Variants in PIK3R1 observed in about 807,000 individuals in gnomAD.
The protein encoded by PIK3R1 is phosphoinositide-3-kinase regulatory subunit 1, also known as phosphatidylinositol 3-kinase regulatory subunit alpha.
Under a neutral mutation model 98.0 loss-of-function variants are expected in PIK3R1, and 29 were observed. The ratio of observed to expected loss-of-function variants is 0.30; its 90% CI spans 0.22 to 0.40. The LOEUF is 0.40. PIK3R1 is among the 10% of genes least tolerant of loss of function. PIK3R1 has a pLI of 1.00. For missense variants in PIK3R1, 596 were observed against 872.7 expected (o/e 0.68, Z 3.99); for synonymous variants, 282 against 311.8 (o/e 0.90, Z 1.01).
At chr5:68,220,291 C>CT (rs1258764492) in intron 1 of PIK3R1, among the ~76,000 whole-genome samples, 1 of 152,128 alleles carries the variant, frequency 6.6e-6, no homozygotes, top group African/African-American at 2.4e-5. Context: ...AGAATAGCAT[C>CT]TTTTTTTCAA....
Position 68,297,753 on chromosome 5 carries a change from AAGT to A in PIK3R1, c.*155_*157del, listed in dbSNP as rs1208747846. 3 of 636,294 alleles carry A rather than the reference AAGT, an allele frequency of 4.7e-6. No individual in the cohort carries two copies. Among genetic ancestry groups the A allele is most frequent in the Non-Finnish European group, 8.2e-6 (3 of 367,106 alleles). The allele number at this position is 636,294 out of a possible 1,614,324, so 39.4% of individuals were successfully genotyped here. The stretch of plus-strand genomic sequence containing the variant: ...ACTAGAGCTTTCTTTCACAAAAAAG[AAGT>A]AGGGGAAGACATGCAGCCTAAGGCT... On this transcript the variant is annotated 3_prime_UTR_variant, in exon 16 of 16. Coordinates refer to ENST00000521381, the MANE Select transcript of PIK3R1 (RefSeq NM_181523.3).
Position 68,279,526 on chromosome 5 carries a change from A to G in PIK3R1, c.503-76A>G, listed in dbSNP as rs1038663747. 8 of 1,209,866 alleles carry G rather than the reference A, an allele frequency of 6.6e-6. No homozygotes were observed. The Admixed American group carries it at 1.1e-4, about 17-fold the overall frequency. The allele number at this position is 1,209,866 out of a possible 1,614,324, so 74.9% of individuals were successfully genotyped here. A position where few individuals can be genotyped will look rare whatever the true frequency, so the allele number is the denominator to read the frequency against. ...TTTTTTTTTTGTCACATGTGAGTCA[A>G]ATTGTTCAGAAAATTAGCCCAACTG... On this transcript the variant is annotated intron_variant, in intron 4 of 15. Transcript: ENST00000521381.
chr5:68,254,822 C>G (rs527783439), intron 2 of PIK3R1, among the ~76,000 whole-genome samples: 1 of 116,702 alleles, frequency 8.6e-6, no homozygotes, highest in African/African-American at 3.6e-5. Context: ...TCAGTACAGT[C>G]TTTTTCTTTT....
rs920825521 is a variant in PIK3R1, at chr5:68,229,615, G to A, written c.334+2606G>A. Among the ~76,000 whole-genome samples the A allele has an allele frequency of 3.3e-5, 5 of 152,138 alleles. No individual in the cohort carries two copies. The South Asian group carries it at 6.2e-4, about 19-fold the overall frequency. ...GGGCAGCAGGGTAGACAGAGGGTGC[G>A]AGGACAGCCTGCATGCCAATTGTGT... On this transcript the variant is annotated intron_variant, in intron 2 of 15. Transcript: ENST00000521381.
rs202034227 is a variant in PIK3R1, at chr5:68,301,504, ATATG to A, written c.*3907_*3910del. 2.8e-3 allele frequency: 409 copies of A among 147,310 alleles called. 3 individuals are homozygous for A. The highest frequency in any genetic ancestry group is 6.5e-3 in the Middle Eastern group (2 of 306). 9.1% of individuals were successfully genotyped at this position (147,310 alleles called of 1,614,324 possible). A position where few individuals can be genotyped will look rare whatever the true frequency, so the allele number is the denominator to read the frequency against. On this transcript the variant is annotated 3_prime_UTR_variant, in exon 16 of 16. Coordinates refer to ENST00000521381, the MANE Select transcript of PIK3R1 (RefSeq NM_181523.3). ...TATATGTATATATATGCACATATAT[ATATG>A]TATTTAAAAAAATCAAAACAAAAAA...
rs749608194 is a variant in PIK3R1 at position 68,273,991 on chromosome 5, A to T, written c.480A>T (p.Glu160Asp). 5 of 1,613,962 alleles carry T rather than the reference A, an allele frequency of 3.1e-6. No homozygotes were observed. The highest frequency in any genetic ancestry group is 4.2e-6 in the Non-Finnish European group (5 of 1,179,812). The change falls in exon 4 of 16, where the codon GAA becomes GAT. Residue 160 changes from glutamate to aspartate, a missense_variant. This residue lies in a region of PIK3R1 where 352 missense variants were observed against 393.3 expected (regional missense o/e 0.90). Transcript: ENST00000521381. ...CACAGAGCTCCAGCAACCTGGCAGAATTACGACAGCTTCTTGATTGTGGTG... is the reference window on the plus strand; with the variant it reads ...CACAGAGCTCCAGCAACCTGGCAGATTTACGACAGCTTCTTGATTGTGGTG... ...YRTQSSSNLA[E>D]LRQLLDCDTP...
rs977322075 is a variant in PIK3R1, at chr5:68,295,707, ACTCT to A, written c.1814+222_1814+225del. 27 of 572,396 alleles carry A rather than the reference ACTCT, an allele frequency of 4.7e-5. 1 individual carries two copies. In the Admixed American group the frequency reaches 7.9e-4, roughly 17 times the overall value. 35.5% of individuals were successfully genotyped at this position (572,396 alleles called of 1,614,324 possible). On this transcript the variant is annotated intron_variant, in intron 14 of 15. Coordinates refer to ENST00000521381, the MANE Select transcript of PIK3R1 (RefSeq NM_181523.3). Reference sequence around the variant, plus strand: ...TTTTTACTCATAATGCTGTGAAACAACTCTCTGTGTCCATAATGATGTCCCTGAA... The same window carrying A: ...TTTTTACTCATAATGCTGTGAAACAACTGTGTCCATAATGATGTCCCTGAA...
intron 7 of PIK3R1, chr5:68,290,563 A>G (rs1200784526): frequency 8.8e-6 from 8 of 907,178 alleles, no homozygotes; most frequent in Middle Eastern, 5.7e-4. Flanking sequence ...CTGATGAAGC[A>G]GGAGTGGTCT....
intron 1 of PIK3R1, among the ~76,000 whole-genome samples, chr5:68,217,971 C>T (rs1743963862): frequency 6.6e-6 from 1 of 152,172 alleles, no homozygotes; most frequent in African/African-American, 2.4e-5. Context: ...CTGCAGTGTA[C>T]ACACTGCTAT....
Position 68,290,744 on chromosome 5 carries a change from T to G in PIK3R1, c.917-1515T>G, listed in dbSNP as rs1281793401. ...TCTTGCACAAATGTACAATACTGTT[T>G]GGAATATGGAAGACCTGGATTTAGA... On this transcript the variant is annotated intron_variant, in intron 7 of 15. Coordinates refer to ENST00000521381, the MANE Select transcript of PIK3R1 (RefSeq NM_181523.3). 5 of 1,612,960 alleles carry G rather than the reference T, an allele frequency of 3.1e-6. No individual in the cohort carries two copies. The South Asian group carries it at 5.5e-5, about 18-fold the overall frequency.
At chr5:68,245,256 A>T (rs902496103) in intron 2 of PIK3R1, among the ~76,000 whole-genome samples, 1 of 152,232 alleles carries the variant, frequency 6.6e-6, no homozygotes, top group Non-Finnish European at 1.5e-5. Flanking sequence ...TTATACGTGA[A>T]TATATTTAGC....
intron 2 of PIK3R1, among the ~76,000 whole-genome samples, chr5:68,227,377 A>C (rs547810951): frequency 1.3e-5 from 2 of 152,122 alleles, no homozygotes; most frequent in Non-Finnish European, 2.9e-5. Flanking sequence ...AAAAACCCAA[A>C]ATTTTTTGAC....
At chr5:68,285,287 T>G (rs561301237) in intron 7 of PIK3R1, among the ~76,000 whole-genome samples, 2 of 152,214 alleles carry the variant, frequency 1.3e-5, no homozygotes, top group African/African-American at 2.4e-5. Flanking sequence ...ACTGGCACAT[T>G]GCAAAACATT....
intron 2 of PIK3R1, among the ~76,000 whole-genome samples, chr5:68,227,706 T>C (rs750263444): frequency 6.6e-6 from 1 of 152,224 alleles, no homozygotes; most frequent in South Asian, 2.1e-4. Flanking sequence ...CCAGGATCGC[T>C]GTGGCCAAAG....
At chr5:68,244,527 C>G (rs866382896) in intron 2 of PIK3R1, among the ~76,000 whole-genome samples, 1 of 43,016 alleles carries the variant, frequency 2.3e-5, no homozygotes, top group Non-Finnish European at 5.1e-5. Flanking sequence ...CCCCCCGCCC[C>G]CCGCCGCCGC....
intron 2 of PIK3R1, among the ~76,000 whole-genome samples, chr5:68,242,834 G>A (rs537310815): frequency 1.4e-3 from 219 of 152,264 alleles, no homozygotes; most frequent in African/African-American, 4.9e-3. Flanking sequence ...GAAAGCCCCT[G>A]GTTTGTATTT....
intron 8 of PIK3R1, chr5:68,292,706 TTA>T (rs1747461170): frequency 7.8e-7 from 1 of 1,274,494 alleles, no homozygotes; most frequent in Non-Finnish European, 1.0e-6. Context: ...CCATTTTATG[TTA>T]GCTTTGGGAA....
chr5:68,288,509 G>T (rs1263071888), intron 7 of PIK3R1: 13 of 1,324,300 alleles, frequency 9.8e-6, no homozygotes, highest in Non-Finnish European at 1.2e-5. Context: ...GTGGGGCGGA[G>T]GGACGAGCCG....
At chr5:68,277,379 G>A (rs149917638) in intron 4 of PIK3R1, among the ~76,000 whole-genome samples, 57 of 152,302 alleles carry the variant, frequency 3.7e-4, no homozygotes, top group African/African-American at 1.2e-3. Flanking sequence ...CATGTGATAT[G>A]TCTCTGGTTG....
Sources: gnomAD v4.1 joint callset for allele counts (sites outside exome capture counted in the v4.1 genomes callset) on GRCh38, gnomAD v4.1.1 for gene constraint, gnomAD v4.1.1 regional missense constraint, MANE v1.5 for transcripts, NCBI Gene and HGNC (gene_info 2026-07-23, HGNC 2026-07-21) for gene names.